The following RGS7 variants were observed in gnomAD, a reference collection of about 807,000 sequenced individuals.
RGS7 encodes regulator of G-protein signaling 7.
In RGS7, 27 loss-of-function variants were observed where a neutral mutation model predicts 81.1. That is an observed-to-expected ratio of 0.33 (90% CI 0.25 to 0.46). RGS7 has a LOEUF of 0.46. Among genes scored for constraint, RGS7 ranks in the 20% least tolerant of loss-of-function variants. RGS7 has a pLI of 1.00. For synonymous variants in RGS7, 208 were observed against 207.7 expected (o/e 1.00, Z -0.01); for missense variants, 396 against 607.4 (o/e 0.65, Z 3.66).
intron 2 of RGS7, among the ~76,000 whole-genome samples, chr1:241,189,297 G>A (rs1446642970): frequency 6.6e-6 from 1 of 152,034 alleles, no homozygotes; most frequent in African/African-American, 2.4e-5. Flanking sequence ...ATCTTTTTAT[G>A]TGCTTATTTG....
intron 4 of RGS7, among the ~76,000 whole-genome samples, chr1:240,939,908 A>G (rs1677287777): frequency 6.6e-6 from 1 of 151,586 alleles, no homozygotes; most frequent in South Asian, 2.1e-4. Flanking sequence ...CGTCTCTACT[A>G]AAAAAAATAA....
chr1:241,321,941 C>T (rs1358215357), intron 2 of RGS7, among the ~76,000 whole-genome samples: 2 of 152,178 alleles, frequency 1.3e-5, no homozygotes, highest in East Asian at 3.8e-4. Flanking sequence ...ATGTCCCTTG[C>T]AAAATCTACG....
At chr1:240,842,960 C>T (rs1003415741) in intron 9 of RGS7, among the ~76,000 whole-genome samples, 3 of 151,858 alleles carry the variant, frequency 2.0e-5, no homozygotes, top group Non-Finnish European at 4.4e-5. Context: ...GTCAGGAGTT[C>T]TAGACCAGCC....
chr1:241,283,571 A>G lies in RGS7; in HGVS notation c.78+72128T>C, dbSNP rs147397020. 7.8e-3 allele frequency among the ~76,000 whole-genome samples: 1,189 copies of G among 152,196 alleles called. 7 individuals carry two copies. Among genetic ancestry groups the G allele is most frequent in the Non-Finnish European group, 0.011 (753 of 68,008 alleles). ...TTTTAAGATTTTTTCTTTAATATTC[A>G]TAAGTTTAATTATGGTTTGTTTGAC... On this transcript the variant is annotated intron_variant, in intron 2 of 18. Transcript: ENST00000440928.
chr1:240,781,132 T>C (rs909143568), intron 18 of RGS7, among the ~76,000 whole-genome samples: 2 of 152,142 alleles, frequency 1.3e-5, no homozygotes, highest in African/African-American at 4.8e-5. Context: ...GATATGGACT[T>C]CATTAAAAAT....
chr1:241,021,617 A>G (rs745861856), intron 3 of RGS7, among the ~76,000 whole-genome samples: 13 of 152,142 alleles, frequency 8.5e-5, no homozygotes, highest in Admixed American at 3.3e-4. Flanking sequence ...CTCCCTATCC[A>G]TAACTTTCAA....
chr1:241,179,227 TGGGATTACA>T (rs1223367534), intron 2 of RGS7, among the ~76,000 whole-genome samples: 2 of 152,134 alleles, frequency 1.3e-5, no homozygotes, highest in Non-Finnish European at 2.9e-5. Context: ...TCCAAGTAAC[TGGGATTACA>T]GGCATGCACC....
intron 2 of RGS7, among the ~76,000 whole-genome samples, chr1:241,322,282 A>G (rs1290650757): frequency 6.6e-6 from 1 of 152,224 alleles, no homozygotes; most frequent in Non-Finnish European, 1.5e-5. Flanking sequence ...CACCACACCT[A>G]TAAGTGAGTG....
intron 6 of RGS7, among the ~76,000 whole-genome samples, chr1:240,885,649 G>A (rs555620471): frequency 6.6e-6 from 1 of 152,298 alleles, no homozygotes; most frequent in Admixed American, 6.5e-5. Context: ...TGCAGGAACA[G>A]AAAACCAAAT....
chr1:241,113,671 C>T (rs908642198), intron 2 of RGS7, among the ~76,000 whole-genome samples: 10 of 152,158 alleles, frequency 6.6e-5, no homozygotes, highest in Non-Finnish European at 1.0e-4. Flanking sequence ...ATCTCAGGTC[C>T]GTCATTTGAT....
chr1:241,272,104 C>T (rs552322289), intron 2 of RGS7, among the ~76,000 whole-genome samples: 1 of 152,110 alleles, frequency 6.6e-6, no homozygotes, highest in African/African-American at 2.4e-5. Context: ...CGCCATTCTC[C>T]TGCCTCAGCC....
Position 241,167,550 on chromosome 1 carries a change from G to A in RGS7, c.79-68788C>T, listed in dbSNP as rs1019656687. 9.4e-5 allele frequency among the ~76,000 whole-genome samples: 14 copies of A among 149,222 alleles called. No individual in the cohort carries two copies. In the East Asian group the frequency reaches 1.4e-3, roughly 15 times the overall value. On this transcript the variant is annotated intron_variant, in intron 2 of 18. Coordinates refer to ENST00000440928, the MANE Select transcript of RGS7 (RefSeq NM_001364886.1). ...TTTTTTTTTTCTTGAGACGAGTCTC[G>A]CCCTGTCACCCAGGCTGGAGGGCAA...
intron 4 of RGS7, among the ~76,000 whole-genome samples, chr1:240,960,232 T>TTTTTTTG (rs71172665): frequency 4.3e-5 from 3 of 70,180 alleles, no homozygotes; most frequent in Non-Finnish European, 6.3e-5. Context: ...TTTTTTTTTT[T>TTTTTTTG]TTGTTGTTGT....
At chr1:241,192,174 G>GTGTGTA (rs1342568588) in intron 2 of RGS7, among the ~76,000 whole-genome samples, 1 of 146,376 alleles carries the variant, frequency 6.8e-6, no homozygotes, top group Non-Finnish European at 1.5e-5. Flanking sequence ...GTGTGTGTGT[G>GTGTGTA]TGTGTGTGTG....
intron 2 of RGS7, among the ~76,000 whole-genome samples, chr1:241,242,340 A>AGATAGATAGATAGATG (rs1263323582): frequency 6.6e-6 from 1 of 152,040 alleles, no homozygotes; most frequent in African/African-American, 2.4e-5. Context: ...ATAGATAGAT[A>AGATAGATAGATAGATG]GATAGATAGA....
intron 2 of RGS7, among the ~76,000 whole-genome samples, chr1:241,218,336 C>G (rs1340118955): frequency 6.6e-6 from 1 of 152,128 alleles, no homozygotes; most frequent in African/African-American, 2.4e-5. Context: ...TCAAACGGAG[C>G]CCCCAGTAAA....
At chr1:241,135,547 C>T (rs1484924154) in intron 2 of RGS7, among the ~76,000 whole-genome samples, 1 of 152,146 alleles carries the variant, frequency 6.6e-6, no homozygotes, top group African/African-American at 2.4e-5. Flanking sequence ...GGATGCCTCC[C>T]CTATCTTTTT....
chr1:241,116,737 G>A lies in RGS7; in HGVS notation c.79-17975C>T, dbSNP rs185204828. Among the ~76,000 whole-genome samples the A allele has an allele frequency of 1.1e-3, 160 of 152,108 alleles. 1 individual carries two copies. Among genetic ancestry groups the A allele is most frequent in the Non-Finnish European group, 2.1e-3 (141 of 67,982 alleles). ...AATACATGTAATGTATAGTGATCAG[G>A]GTAATTAGCATATCCATCATCTAAA... On this transcript the variant is annotated intron_variant, in intron 2 of 18. Transcript: ENST00000440928.
chr1:241,015,244 AC>A (rs917295284), intron 3 of RGS7, among the ~76,000 whole-genome samples: 75 of 152,316 alleles, frequency 4.9e-4, no homozygotes, highest in African/African-American at 1.8e-3. Context: ...TTTTTATTGT[AC>A]CCGAAATTTC....
Sources: gnomAD v4.1 joint callset for allele counts (sites outside exome capture counted in the v4.1 genomes callset) on GRCh38, gnomAD v4.1.1 for gene constraint, MANE v1.5 for transcripts, NCBI Gene and HGNC (gene_info 2026-07-23, HGNC 2026-07-21) for gene names.